PTPRG: variants seen among roughly 807,000 people sequenced by gnomAD.
PTPRG encodes receptor-type tyrosine-protein phosphatase gamma.
In PTPRG, 102 loss-of-function variants were observed where a neutral mutation model predicts 165.3. The observed-to-expected ratio is 0.62, with a 90% CI of 0.53 to 0.73. The LOEUF (loss-of-function observed/expected upper bound fraction) is 0.73, where lower values mean the gene tolerates loss of function less well. Among genes scored for constraint, PTPRG ranks in the 30% least tolerant of loss-of-function variants. The probability of loss-of-function intolerance (pLI) is 0.00; values close to 1 mark genes in which losing one functional copy is unlikely to be tolerated. For synonymous variants in PTPRG, 675 were observed against 669.5 expected (o/e 1.01, Z -0.13); for missense variants, 1,866 against 1,861.4 (o/e 1.00, Z -0.05).
intron 6 of PTPRG, among the ~76,000 whole-genome samples, chr3:62,142,042 G>A (rs905898570): frequency 3.3e-5 from 5 of 150,802 alleles, no homozygotes; most frequent in Admixed American, 1.3e-4. Flanking sequence ...ATTTCACCAC[G>A]ATGGGAAAGA....
chr3:62,129,353 C>T (rs907629140), intron 5 of PTPRG, among the ~76,000 whole-genome samples: 2 of 151,968 alleles, frequency 1.3e-5, no homozygotes, highest in Non-Finnish European at 2.9e-5. Context: ...ATACTAAATG[C>T]ATTAAAAAGT....
chr3:62,209,082 G>C (rs995713638), intron 12 of PTPRG, among the ~76,000 whole-genome samples: 1 of 152,224 alleles, frequency 6.6e-6, no homozygotes, highest in Non-Finnish European at 1.5e-5. Flanking sequence ...TTCAGATGCA[G>C]TATTAATTAA....
At chr3:61,797,583 CCCCCCCCA>C (rs1341587736) in intron 2 of PTPRG, among the ~76,000 whole-genome samples, 1 of 57,312 alleles carries the variant, frequency 1.7e-5, no homozygotes, top group Admixed American at 1.8e-4. Context: ...ATCTCCACAC[CCCCCCCCA>C]CCCCCCCACC....
intron 10 of PTPRG, among the ~76,000 whole-genome samples, chr3:62,197,703 G>T (rs1700001384): frequency 6.6e-6 from 1 of 152,208 alleles, no homozygotes; most frequent in African/African-American, 2.4e-5. Context: ...AGAATCTGCA[G>T]AACTGCCTTA....
intron 1 of PTPRG, among the ~76,000 whole-genome samples, chr3:61,645,738 G>A (rs1220268347): frequency 1.3e-5 from 2 of 152,194 alleles, no homozygotes; most frequent in Non-Finnish European, 2.9e-5. Context: ...TGTTGTGAAA[G>A]CAGCCATAGA....
At chr3:61,824,281 G>T (rs1202036290) in intron 2 of PTPRG, among the ~76,000 whole-genome samples, 1 of 152,180 alleles carries the variant, frequency 6.6e-6, no homozygotes, top group Non-Finnish European at 1.5e-5. Flanking sequence ...CATATTTGTA[G>T]ATGAATATGT....
intron 1 of PTPRG, among the ~76,000 whole-genome samples, chr3:61,607,235 G>A (rs1171081386): frequency 6.6e-6 from 1 of 152,196 alleles, no homozygotes; most frequent in Non-Finnish European, 1.5e-5. Context: ...GGTATGGACA[G>A]CCACCTGTGA....
chr3:61,855,651 C>CTTTTTTTT (rs35525843), intron 2 of PTPRG, among the ~76,000 whole-genome samples: 1 of 120,322 alleles, frequency 8.3e-6, no homozygotes, highest in African/African-American at 3.2e-5. Context: ...AAGGGTAGGC[C>CTTTTTTTT]TTTTTTTTTT....
chr3:62,018,779 G>T (rs1041584554), intron 4 of PTPRG, among the ~76,000 whole-genome samples: 2 of 152,156 alleles, frequency 1.3e-5, no homozygotes, highest in Non-Finnish European at 2.9e-5. Flanking sequence ...GCCACATCCC[G>T]GGGAAGCAGG....
At chr3:62,157,281 C>T (rs551919742) in intron 7 of PTPRG, 57 bp downstream of exon 7, 11 of 1,559,190 alleles carry the variant, frequency 7.1e-6, no homozygotes, top group African/African-American at 5.4e-5. Flanking sequence ...ATTGACTTAA[C>T]GATCCAGCAT....
chr3:61,953,619 G>A (rs925227375), intron 2 of PTPRG, among the ~76,000 whole-genome samples: 8 of 152,130 alleles, frequency 5.3e-5, no homozygotes, highest in Non-Finnish European at 1.2e-4. Context: ...CCCACAGGCT[G>A]GGTTCCTTTC....
chr3:61,923,690 G>GTTTT (rs1449017847), intron 2 of PTPRG, among the ~76,000 whole-genome samples: 1 of 110,700 alleles, frequency 9.0e-6, no homozygotes, highest in African/African-American at 3.7e-5. Context: ...TTTATTTTTT[G>GTTTT]TATTTTTTTT....
At chr3:61,762,351 A>G (rs940720761) in intron 2 of PTPRG, among the ~76,000 whole-genome samples, 2 of 152,152 alleles carry the variant, frequency 1.3e-5, no homozygotes, top group Non-Finnish European at 2.9e-5. Flanking sequence ...CTGGCTGGGC[A>G]TGGCGGCTCA....
chr3:61,797,168 A>G (rs899962841), intron 2 of PTPRG, among the ~76,000 whole-genome samples: 3 of 152,250 alleles, frequency 2.0e-5, no homozygotes, highest in Non-Finnish European at 4.4e-5. Flanking sequence ...TGTGAAATAC[A>G]GAAATGATGC....
At chr3:62,215,770 G>T (rs909193702) in intron 12 of PTPRG, among the ~76,000 whole-genome samples, 4 of 152,106 alleles carry the variant, frequency 2.6e-5, no homozygotes, top group African/African-American at 9.7e-5. Flanking sequence ...TGTAGAGGAG[G>T]AGAGGGGGAC....
At chr3:61,668,206 A>T (rs191256662) in intron 1 of PTPRG, among the ~76,000 whole-genome samples, 88 of 152,348 alleles carry the variant, frequency 5.8e-4, no homozygotes, top group Admixed American at 3.8e-3. Flanking sequence ...AATTCCATAT[A>T]CTTTCAAATA....
chr3:62,225,018 A>G (rs1419415091), intron 13 of PTPRG, among the ~76,000 whole-genome samples: 1 of 152,222 alleles, frequency 6.6e-6, no homozygotes, highest in Non-Finnish European at 1.5e-5. Context: ...TTACAGCTTT[A>G]ATGGCACCCT....
chr3:61,769,633 G>A (rs1305999959), intron 2 of PTPRG: 1 of 152,160 alleles, frequency 6.6e-6, no homozygotes, highest in Non-Finnish European at 1.5e-5. Context: ...CAGTAATAAG[G>A]AATTGAAGAT....
chr3:61,602,082 A>G (rs986272716), intron 1 of PTPRG, among the ~76,000 whole-genome samples: 2 of 152,170 alleles, frequency 1.3e-5, no homozygotes, highest in African/African-American at 4.8e-5. Flanking sequence ...CAGCTGGCTA[A>G]TTGGACAAAT....
Sources: allele counts gnomAD v4.1 joint callset (sites outside exome capture counted in the v4.1 genomes callset), GRCh38; gene constraint gnomAD v4.1.1; transcripts MANE v1.5; gene names NCBI Gene and HGNC (gene_info 2026-07-23, HGNC 2026-07-21).